The following RTN1 variants were observed in gnomAD, a reference collection of about 807,000 sequenced individuals.
RTN1 encodes reticulon-1.
A neutral mutation model predicts 65.5 loss-of-function variants in RTN1; 25 were observed. That is an observed-to-expected ratio of 0.38 (90% confidence interval 0.28 to 0.53). RTN1 has a LOEUF of 0.53. RTN1 is among the 20% of genes least tolerant of loss of function. The pLI, the probability that RTN1 is intolerant of heterozygous loss-of-function variation, is 0.79. For synonymous variants in RTN1, 471 were observed against 447.6 expected (o/e 1.05, Z -0.66); for missense variants, 983 against 1,025.4 (o/e 0.96, Z 0.57).
chr14:59,815,262 CTT>C (rs1886799025), intron 1 of RTN1, among the ~76,000 whole-genome samples: 1 of 152,200 alleles, frequency 6.6e-6, no homozygotes, highest in Non-Finnish European at 1.5e-5. Context: ...AATTTTCCCT[CTT>C]GGGTTTTATA....
At chr14:59,833,763 C>G (rs1887167333) in intron 1 of RTN1, among the ~76,000 whole-genome samples, 1 of 152,090 alleles carries the variant, frequency 6.6e-6, no homozygotes, top group African/African-American at 2.4e-5. Flanking sequence ...TATGCAGGCT[C>G]TAGTAAATGA....
At chr14:59,625,563 T>C (rs1594639184) in intron 3 of RTN1, among the ~76,000 whole-genome samples, 1 of 152,228 alleles carries the variant, frequency 6.6e-6, no homozygotes, top group Non-Finnish European at 1.5e-5. Context: ...ATATTCAATC[T>C]TATTTTATCA....
chr14:59,728,249 C>CTTTTTT (rs200434592), intron 2 of RTN1, among the ~76,000 whole-genome samples: 21 of 124,186 alleles, frequency 1.7e-4, no homozygotes, highest in East Asian at 2.5e-4. Flanking sequence ...GAATCAGTAT[C>CTTTTTT]TTTTTTTTTT....
chr14:59,819,650 G>T (rs1479298380), intron 1 of RTN1, among the ~76,000 whole-genome samples: 1 of 152,080 alleles, frequency 6.6e-6, no homozygotes, highest in Non-Finnish European at 1.5e-5. Flanking sequence ...CGGAGCAGGG[G>T]ACGGCGCCCG....
intron 3 of RTN1, among the ~76,000 whole-genome samples, chr14:59,671,518 GATT>G (rs1461898116): frequency 6.6e-6 from 1 of 152,168 alleles, no homozygotes; most frequent in Non-Finnish European, 1.5e-5. Context: ...GTTTCACATG[GATT>G]ATTTTATTTA....
intron 1 of RTN1, among the ~76,000 whole-genome samples, chr14:59,861,359 C>T (rs1230958045): frequency 6.6e-6 from 1 of 152,178 alleles, no homozygotes; most frequent in Non-Finnish European, 1.5e-5. Context: ...TTGCCTTCTG[C>T]CATGATTGTG....
intron 3 of RTN1, among the ~76,000 whole-genome samples, chr14:59,613,816 A>C (rs1025049021): frequency 6.6e-6 from 1 of 151,596 alleles, no homozygotes; most frequent in African/African-American, 2.4e-5. Flanking sequence ...GAAAAAAAAA[A>C]CCCTCTGATT....
At chr14:59,598,899 A>G (rs1315298404) in intron 8 of RTN1, among the ~76,000 whole-genome samples, 1 of 152,208 alleles carries the variant, frequency 6.6e-6, no homozygotes, top group East Asian at 1.9e-4. Flanking sequence ...CATTACTATC[A>G]GATTTCTAAT....
rs544973226 is a variant in RTN1, at chr14:59,749,994, T to C, written c.242-3513A>G. On this transcript the variant is annotated intron_variant, in intron 1 of 8. Coordinates refer to ENST00000267484, the MANE Select transcript of RTN1 (RefSeq NM_021136.3). ...ATACATATATTATATATTATATACA[T>C]ATATATTATATACATATATATTATA... Among the ~76,000 whole-genome samples the C allele has an allele frequency of 3.2e-3, 114 of 36,158 alleles. 4 individuals carry two copies. Among genetic ancestry groups the C allele is most frequent in the African/African-American group, 0.018 (106 of 5,836 alleles). 23.7% of individuals were successfully genotyped at this position (36,158 alleles called of 152,430 possible).
rs867180903 is a variant in RTN1 at position 59,727,236 on chromosome 14, C to T, written c.1448G>A (p.Arg483Gln). The T allele has an allele frequency of 5.2e-6, 8 of 1,550,762 alleles. No individual in the cohort carries two copies. The highest frequency in any genetic ancestry group is 1.4e-5 in the African/African-American group (1 of 73,268). ...CTTCATCGGGGGTGAGTCCTGCTCCCGCTTGGGGCTCTCCTCCGAGGCCGA... is the reference window on the plus strand; with the variant it reads ...CTTCATCGGGGGTGAGTCCTGCTCCTGCTTGGGGCTCTCCTCCGAGGCCGA... Reference protein sequence around the residue: ...ASSASEESPKREQDSPPMKPS... With the variant: ...ASSASEESPKQEQDSPPMKPS... The change falls in exon 3 of 9, where the codon CGG becomes CAG. Residue 483 changes from arginine to glutamine, a missense_variant. By Grantham distance (43) the Arg-to-Gln change is conservative (BLOSUM62 1). Around this residue, in one of 2 missense-constraint regions of RTN1, gnomAD observed 818 missense variants for 801.8 expected, o/e 1.02. Coordinates refer to ENST00000267484, the MANE Select transcript of RTN1 (RefSeq NM_021136.3). The surrounding 1 kb of genome is among the most constrained non-coding windows in gnomAD (Gnocchi z 4.2).
rs1195459952 is a variant in RTN1, at chr14:59,750,008, ATATATAT to A, written c.242-3534_242-3528del. Among the ~76,000 whole-genome samples the A allele has an allele frequency of 6.9e-4, 56 of 80,726 alleles. 1 individual carries two copies. In the East Asian group the frequency reaches 0.011, roughly 16 times the overall value. The allele number at this position is 80,726 out of a possible 152,430, so 53.0% of individuals were successfully genotyped here. On this transcript the variant is annotated intron_variant, in intron 1 of 8. Transcript: ENST00000267484. ...TATTATATACATATATATTATATACATATATATTATATATTATATTATATACATATAT... is the reference window on the plus strand; with the variant it reads ...TATTATATACATATATATTATATACATATATATTATATTATATACATATAT...
chr14:59,720,620 G>A (rs1296178332), intron 3 of RTN1, among the ~76,000 whole-genome samples: 1 of 151,948 alleles, frequency 6.6e-6, no homozygotes, highest in Non-Finnish European at 1.5e-5. Flanking sequence ...CTACTCAGTA[G>A]GCTGAAGCAG....
At chr14:59,604,090 T>G in intron 5 of RTN1, 169 bp from the exon 6 acceptor site, 1 of 457,156 alleles carries the variant, frequency 2.2e-6, no homozygotes, top group South Asian at 2.5e-5. Context: ...GAGGATCCAG[T>G]CCTTAGTTCT....
At chr14:59,767,911 A>T (rs1288448816) in intron 1 of RTN1, among the ~76,000 whole-genome samples, 1 of 152,240 alleles carries the variant, frequency 6.6e-6, no homozygotes, top group Non-Finnish European at 1.5e-5. Flanking sequence ...TTATGTAAAA[A>T]GCTACATACA....
chr14:59,627,345 T>C (rs1882427172), intron 3 of RTN1, among the ~76,000 whole-genome samples: 1 of 152,236 alleles, frequency 6.6e-6, no homozygotes, highest in African/African-American at 2.4e-5. Context: ...GCAGCCAGCC[T>C]CTGGCATTAC....
intron 1 of RTN1, among the ~76,000 whole-genome samples, chr14:59,786,313 A>G (rs1340639647): frequency 4.6e-5 from 7 of 152,192 alleles, no homozygotes; most frequent in South Asian, 4.1e-4. Context: ...CAACTTTTAG[A>G]GCCTTAATTC....
rs1055937977 is a variant in RTN1, at chr14:59,596,556, G to A, written c.*189C>T. 3.1e-5 allele frequency: 16 copies of A among 523,988 alleles called. No individual in the cohort carries two copies. The highest frequency in any genetic ancestry group is 2.9e-4 in the African/African-American group (15 of 52,578). 32.5% of individuals were successfully genotyped at this position (523,988 alleles called of 1,614,324 possible). On this transcript the variant is annotated 3_prime_UTR_variant, in exon 9 of 9. Coordinates refer to ENST00000267484, the MANE Select transcript of RTN1 (RefSeq NM_021136.3). ...CACTTTTCTCTATACTTTAGTGGTT[G>A]ACACAAGTGACTCAAATATCCTAAG...
intron 1 of RTN1, among the ~76,000 whole-genome samples, chr14:59,823,554 T>A (rs1419931716): frequency 2.0e-5 from 3 of 152,176 alleles, no homozygotes; most frequent in Admixed American, 6.5e-5. Context: ...TTGGAAAAAA[T>A]TCTTGGTTGG....
At chr14:59,770,509 C>G (rs1486856087) in intron 1 of RTN1, among the ~76,000 whole-genome samples, 1 of 150,986 alleles carries the variant, frequency 6.6e-6, no homozygotes, top group East Asian at 1.9e-4. Flanking sequence ...GTTCAGTATT[C>G]TCAGAACTCT....
Sources: gnomAD v4.1 joint callset for allele counts (sites outside exome capture counted in the v4.1 genomes callset) on GRCh38, gnomAD v4.1.1 for gene constraint, gnomAD v4.1.1 regional missense constraint, Gnocchi (gnomAD v3.1) non-coding constraint, MANE v1.5 for transcripts, NCBI Gene and HGNC (gene_info 2026-07-23, HGNC 2026-07-21) for gene names.